The following PXDNL variants were observed in gnomAD, a reference collection of about 807,000 sequenced individuals.
PXDNL encodes peroxidasin like.
PXDNL carries 145 observed loss-of-function variants against 150.8 expected under a neutral mutation model. That is an observed-to-expected ratio of 0.96 (90% CI 0.84 to 1.10). The LOEUF is 1.10. Among genes scored for constraint, PXDNL ranks in the 50% least tolerant of loss-of-function variants. The probability of loss-of-function intolerance (pLI) is 0.00; values close to 1 mark genes in which losing one functional copy is unlikely to be tolerated. For missense variants in PXDNL, 2,087 were observed against 1,873.9 expected, an observed-to-expected ratio of 1.11 and a Z score of -2.10; for synonymous variants, 757 against 725.7, an observed-to-expected ratio of 1.04 and a Z score of -0.69.
chr8:51,792,301 TGACAGCC>T (rs768557163), intron 1 of PXDNL, among the ~76,000 whole-genome samples: 58 of 152,086 alleles, frequency 3.8e-4, no homozygotes, highest in Non-Finnish European at 7.1e-4. Flanking sequence ...AAGAGTAGTG[TGACAGCC>T]CTCCTGGGAG....
chr8:51,380,216 C>T (rs1220256403), intron 17 of PXDNL, among the ~76,000 whole-genome samples: 9 of 152,048 alleles, frequency 5.9e-5, no homozygotes, highest in Non-Finnish European at 7.4e-5. Context: ...TCCTGGGCTG[C>T]GTGCCTCCCA....
At chr8:51,712,037 A>G in intron 1 of PXDNL, among the ~76,000 whole-genome samples, 1 of 152,210 alleles carries the variant, frequency 6.6e-6, no homozygotes. Context: ...GACTAAAACT[A>G]GGGGTTTAAA....
chr8:51,530,432 A>G (rs896841628), intron 4 of PXDNL, among the ~76,000 whole-genome samples: 1 of 152,100 alleles, frequency 6.6e-6, no homozygotes, highest in Non-Finnish European at 1.5e-5. Context: ...TCTCTTCTAA[A>G]TAGATCAAAG....
chr8:51,598,297 C>T (rs540661905), intron 2 of PXDNL, among the ~76,000 whole-genome samples: 1 of 152,086 alleles, frequency 6.6e-6, no homozygotes, highest in East Asian at 1.9e-4. Flanking sequence ...GTGTTGGCTT[C>T]CTTGTCTTAT....
intron 1 of PXDNL, among the ~76,000 whole-genome samples, chr8:51,661,655 C>G (rs990992334): frequency 2.0e-5 from 3 of 152,050 alleles, no homozygotes; most frequent in Non-Finnish European, 4.4e-5. Context: ...TTGTGTGAGC[C>G]AATTCCTTAA....
rs1208978521 is a variant in PXDNL, at chr8:51,608,202, AC to A, written c.237-15505del. Among the ~76,000 whole-genome samples the A allele has an allele frequency of 4.1e-5, 6 of 147,572 alleles. 1 individual carries two copies. The highest frequency in any genetic ancestry group is 7.4e-5 in the Non-Finnish European group (5 of 67,562). ...CAGGAGATCAAGACCATCCTGGCTAACATGGTGAAACCCCGTCTCTACTAAA... is the reference window on the plus strand; with the variant it reads ...CAGGAGATCAAGACCATCCTGGCTAAATGGTGAAACCCCGTCTCTACTAAA... On this transcript the variant is annotated intron_variant, in intron 2 of 22. Coordinates refer to ENST00000356297, the MANE Select transcript of PXDNL (RefSeq NM_144651.5).
intron 17 of PXDNL, among the ~76,000 whole-genome samples, chr8:51,381,945 TTTA>T (rs534458604): frequency 3.9e-5 from 6 of 152,036 alleles, no homozygotes; most frequent in Non-Finnish European, 7.4e-5. Context: ...AGTGAATTTT[TTTA>T]TTATTATTAT....
chr8:51,336,770 G>T (rs926660900), intron 21 of PXDNL, among the ~76,000 whole-genome samples: 3 of 152,166 alleles, frequency 2.0e-5, no homozygotes, highest in African/African-American at 7.2e-5. Context: ...TCAGGCATTT[G>T]CTACATGTCA....
chr8:51,567,497 A>G (rs570882222), intron 3 of PXDNL, among the ~76,000 whole-genome samples: 2 of 151,778 alleles, frequency 1.3e-5, no homozygotes, highest in African/African-American at 4.8e-5. Context: ...AAAATGAATC[A>G]CTTTATCATT....
At chr8:51,514,816 A>G (rs1261318312) in intron 4 of PXDNL, among the ~76,000 whole-genome samples, 1 of 152,158 alleles carries the variant, frequency 6.6e-6, no homozygotes, top group Non-Finnish European at 1.5e-5. Flanking sequence ...GCATCCCCAC[A>G]CTGACCTCCA....
intron 4 of PXDNL, among the ~76,000 whole-genome samples, chr8:51,521,311 CAG>C (rs1811658756): frequency 7.7e-6 from 1 of 129,494 alleles, no homozygotes; most frequent in Non-Finnish European, 1.6e-5. Flanking sequence ...TAGATAATCT[CAG>C]AGAGATGGAA....
At chr8:51,753,649 C>G (rs1440222193) in intron 1 of PXDNL, among the ~76,000 whole-genome samples, 1 of 152,052 alleles carries the variant, frequency 6.6e-6, no homozygotes, top group Non-Finnish European at 1.5e-5. Context: ...ATAAAAAGAA[C>G]AGAGAGAAAT....
At chr8:51,596,412 C>T (rs991760916) in intron 2 of PXDNL, among the ~76,000 whole-genome samples, 1 of 152,078 alleles carries the variant, frequency 6.6e-6, no homozygotes, top group Non-Finnish European at 1.5e-5. Context: ...TGGATATATA[C>T]CCAGTAATAG....
intron 2 of PXDNL, among the ~76,000 whole-genome samples, chr8:51,606,885 A>G (rs903638334): frequency 2.0e-4 from 31 of 152,144 alleles, no homozygotes; most frequent in African/African-American, 7.2e-4. Context: ...ACAGGCACCC[A>G]CCTGTGGCTC....
chr8:51,326,403 C>A (rs1279310940), intron 21 of PXDNL, among the ~76,000 whole-genome samples: 2 of 152,146 alleles, frequency 1.3e-5, no homozygotes, highest in Non-Finnish European at 2.9e-5. Flanking sequence ...GAGGCTGAAG[C>A]ACAAGAATCG....
intron 13 of PXDNL, among the ~76,000 whole-genome samples, chr8:51,424,473 T>A (rs1289231482): frequency 3.3e-5 from 5 of 152,102 alleles, no homozygotes; most frequent in Admixed American, 2.6e-4. Flanking sequence ...TCCCTTCTAT[T>A]TCTACCTTGT....
chr8:51,640,494 A>G (rs2130776003), intron 2 of PXDNL, among the ~76,000 whole-genome samples: 1 of 152,366 alleles, frequency 6.6e-6, no homozygotes, highest in East Asian at 1.9e-4. Flanking sequence ...CTGATAAGCA[A>G]CTTCAGCAAA....
chr8:51,781,205 A>C (rs16916800), intron 1 of PXDNL, among the ~76,000 whole-genome samples: 5,336 of 152,248 alleles, frequency 0.035, 321 homozygotes, highest in East Asian at 0.29. Context: ...TATAAATCAG[A>C]AGGCTGTTTC....
chr8:51,396,948 A>T (rs1162319382), intron 17 of PXDNL, among the ~76,000 whole-genome samples: 4 of 152,186 alleles, frequency 2.6e-5, no homozygotes, highest in Non-Finnish European at 4.4e-5. Flanking sequence ...TGAAACCTGT[A>T]AACTTATTTG....
Sources: allele counts gnomAD v4.1 joint callset (sites outside exome capture counted in the v4.1 genomes callset), GRCh38; gene constraint gnomAD v4.1.1; transcripts MANE v1.5; gene names NCBI Gene and HGNC (gene_info 2026-07-23, HGNC 2026-07-21).